Variants in CTNNA2 observed in about 807,000 individuals in gnomAD.
CTNNA2 encodes the protein catenin alpha-2.
In CTNNA2, 42 loss-of-function variants were observed where a neutral mutation model predicts 101.0. The ratio of observed to expected loss-of-function variants is 0.42; its 90% CI spans 0.32 to 0.54. The LOEUF is 0.54. CTNNA2 is among the 20% of genes least tolerant of loss of function. CTNNA2 has a pLI of 0.14. For synonymous variants in CTNNA2, 450 were observed against 456.4 expected (o/e 0.99, Z 0.18); for missense variants, 871 against 1,223.1 (o/e 0.71, Z 4.29).
chr2:80,568,537 T>C (rs1262419715), intron 12 of CTNNA2, among the ~76,000 whole-genome samples: 1 of 151,028 alleles, frequency 6.6e-6, no homozygotes, highest in Non-Finnish European at 1.5e-5. Flanking sequence ...ACTAGCCTAA[T>C]ACAGTATACT....
intron 7 of CTNNA2, among the ~76,000 whole-genome samples, chr2:80,374,142 G>A (rs189016355): frequency 9.2e-5 from 14 of 152,196 alleles, no homozygotes; most frequent in Admixed American, 5.9e-4. Flanking sequence ...GTATGATGCT[G>A]AAGTTCGAGG....
At chr2:79,457,064 C>A (rs549242409) in intron 4 of CTNNA2, among the ~76,000 whole-genome samples, 1 of 151,650 alleles carries the variant, frequency 6.6e-6, no homozygotes, top group Non-Finnish European at 1.5e-5. Flanking sequence ...TAGCCGGGCG[C>A]GGTGGCGGGC....
At chr2:80,433,859 T>G (rs1307791886) in intron 9 of CTNNA2, among the ~76,000 whole-genome samples, 1 of 152,210 alleles carries the variant, frequency 6.6e-6, no homozygotes, top group Non-Finnish European at 1.5e-5. Context: ...TTTCTCCTGA[T>G]AGTTTTCAGG....
intron 4 of CTNNA2, among the ~76,000 whole-genome samples, chr2:79,380,577 C>G (rs1482289041): frequency 2.0e-5 from 3 of 152,016 alleles, no homozygotes; most frequent in Admixed American, 6.6e-5. Flanking sequence ...CTTTGATTAC[C>G]CTTCCATCGG....
At chr2:80,545,139 C>T (rs959785038) in intron 10 of CTNNA2, 65 bp downstream of exon 10, 2 of 1,442,880 alleles carry the variant, frequency 1.4e-6, no homozygotes, top group South Asian at 2.4e-5. Flanking sequence ...CCCTTGTGCC[C>T]CTCCTTTTCC....
chr2:79,790,156 C>A (rs897932122), intron 3 of CTNNA2, among the ~76,000 whole-genome samples: 2 of 152,038 alleles, frequency 1.3e-5, no homozygotes, highest in Admixed American at 6.5e-5. Context: ...CAATATCTTA[C>A]GTAGAATTTG....
At chr2:80,255,866 A>G (rs1400199279) in intron 7 of CTNNA2, among the ~76,000 whole-genome samples, 1 of 152,124 alleles carries the variant, frequency 6.6e-6, no homozygotes, top group Non-Finnish European at 1.5e-5. Flanking sequence ...GTCTTTTAGT[A>G]TCCGGGAAAA....
At chr2:79,396,806 T>C (rs143728413) in intron 4 of CTNNA2, among the ~76,000 whole-genome samples, 2,577 of 152,238 alleles carry the variant, frequency 0.017, 34 homozygotes, top group Non-Finnish European at 0.03. Flanking sequence ...AAACAAGCCA[T>C]TAAAATTGGG....
At chr2:80,181,327 G>A (rs776865858) in intron 7 of CTNNA2, among the ~76,000 whole-genome samples, 10 of 152,150 alleles carry the variant, frequency 6.6e-5, no homozygotes, top group African/African-American at 1.4e-4. Flanking sequence ...ACCACTGGGG[G>A]TGGGAAGGCT....
chr2:79,463,367 C>T (rs1167203209), intron 4 of CTNNA2, among the ~76,000 whole-genome samples: 3 of 146,196 alleles, frequency 2.1e-5, no homozygotes, highest in Non-Finnish European at 4.5e-5. Flanking sequence ...AAGATCACAC[C>T]ACTGCACTTG....
intron 15 of CTNNA2, among the ~76,000 whole-genome samples, chr2:80,599,567 C>T (rs1159405303): frequency 1.3e-5 from 2 of 151,912 alleles, no homozygotes; most frequent in Non-Finnish European, 1.5e-5. Flanking sequence ...TTTCTATTTC[C>T]CTTCTCTTCT....
At chr2:80,488,317 G>GT (rs796428616) in intron 9 of CTNNA2, among the ~76,000 whole-genome samples, 194 of 151,158 alleles carry the variant, frequency 1.3e-3, no homozygotes, top group African/African-American at 3.7e-3. Context: ...ATTTATTTTT[G>GT]TTTTTTTTCC....
chr2:79,910,568 C>G (rs1010343202), intron 7 of CTNNA2, among the ~76,000 whole-genome samples: 2 of 152,120 alleles, frequency 1.3e-5, no homozygotes, highest in Non-Finnish European at 2.9e-5. Flanking sequence ...TCTGTGCTTC[C>G]CCCTTTCCTG....
chr2:79,766,422 A>G (rs1041854016), intron 3 of CTNNA2, among the ~76,000 whole-genome samples: 2 of 152,030 alleles, frequency 1.3e-5, no homozygotes, highest in Non-Finnish European at 2.9e-5. Context: ...AGTGCATGTT[A>G]TTTGTTTCTT....
intron 7 of CTNNA2, among the ~76,000 whole-genome samples, chr2:79,974,732 A>T (rs1167222901): frequency 6.6e-6 from 1 of 152,206 alleles, no homozygotes; most frequent in Admixed American, 6.5e-5. Context: ...GGGAGCTTAA[A>T]TTTTGGTGTG....
chr2:79,456,315 T>C (rs2104531239), intron 4 of CTNNA2, among the ~76,000 whole-genome samples: 1 of 152,066 alleles, frequency 6.6e-6, no homozygotes, highest in East Asian at 1.9e-4. Flanking sequence ...ATTCTACATC[T>C]AGTCCTTTGA....
chr2:80,146,913 C>G (rs1404476064), intron 7 of CTNNA2, among the ~76,000 whole-genome samples: 1 of 147,242 alleles, frequency 6.8e-6, no homozygotes, highest in Non-Finnish European at 1.5e-5. Context: ...CCACCACGCC[C>G]TGCTAATTTT....
chr2:79,481,457 C>T (rs1350772823), intron 4 of CTNNA2, among the ~76,000 whole-genome samples: 5 of 151,986 alleles, frequency 3.3e-5, no homozygotes, highest in African/African-American at 1.2e-4. Context: ...TGGGAAGAGT[C>T]TCTTTTCCTG....
intron 7 of CTNNA2, among the ~76,000 whole-genome samples, chr2:80,097,073 C>A (rs187368829): frequency 3.9e-5 from 6 of 152,122 alleles, no homozygotes; most frequent in Non-Finnish European, 8.8e-5. Flanking sequence ...TTATTTTGCT[C>A]GTTAGTTGAT....
Sources: gnomAD v4.1 joint callset for allele counts (sites outside exome capture counted in the v4.1 genomes callset) on GRCh38, gnomAD v4.1.1 for gene constraint, MANE v1.5 for transcripts, NCBI Gene and HGNC (gene_info 2026-07-23, HGNC 2026-07-21) for gene names.